The following FAM237A variants were observed in gnomAD, a reference collection of about 807,000 sequenced individuals.
The protein encoded by FAM237A is protein FAM237A.
A neutral mutation model predicts 12.5 loss-of-function variants in FAM237A; 14 were observed. That is an observed-to-expected ratio of 1.12 (90% CI 0.74 to 1.75). The LOEUF (loss-of-function observed/expected upper bound fraction) is 1.75, where lower values mean the gene tolerates loss of function less well. Ranked by LOEUF, FAM237A falls within the 40% of genes most tolerant of loss-of-function variation. The probability of loss-of-function intolerance (pLI) is 0.00; values close to 1 mark genes in which losing one functional copy is unlikely to be tolerated. For synonymous variants in FAM237A, 85 were observed against 77.5 expected (o/e 1.10, Z -0.51); for missense variants, 240 against 211.7 (o/e 1.13, Z -0.83).
chr2:206,646,091 A>G (rs1699313438), intron 2 of FAM237A, among the ~76,000 whole-genome samples: 1 of 152,106 alleles, frequency 6.6e-6, no homozygotes. Flanking sequence ...ACACGAGGTG[A>G]GGAGATCGAG....
Position 206,644,591 on chromosome 2 carries a change from G to A in FAM237A, c.355G>A (p.Val119Ile), listed in dbSNP as rs1699294500. The part of the protein sequence containing the change: ...RNHGLGRRQL[V>I]GEEEKISAAQ... Reference sequence around the variant, plus strand: ...CCATGGCTTAGGAAGGAGGCAATTGGTTGGAGAGGAAGAGAAAATCTCAGC... The same window carrying A: ...CCATGGCTTAGGAAGGAGGCAATTGATTGGAGAGGAAGAGAAAATCTCAGC... The change falls in exon 2 of 3, where the codon GTT becomes ATT. Residue 119 changes from valine to isoleucine, a missense_variant. Physicochemically the swap from Val to Ile is conservative, Grantham distance 29 (BLOSUM62 3). Transcript: ENST00000441223. 1 of 1,609,888 alleles carries A rather than the reference G, an allele frequency of 6.2e-7. No homozygotes were observed. Among genetic ancestry groups the A allele is most frequent in the Non-Finnish European group, 8.5e-7 (1 of 1,178,470 alleles).
intron 2 of FAM237A, among the ~76,000 whole-genome samples, chr2:206,648,145 T>C (rs1360092193): frequency 1.3e-5 from 2 of 152,210 alleles, no homozygotes; most frequent in Non-Finnish European, 2.9e-5. Context: ...AGAAATCTAC[T>C]GTTAAGAAAC....
intron 2 of FAM237A, among the ~76,000 whole-genome samples, chr2:206,646,787 A>G (rs1437915615): frequency 6.6e-6 from 1 of 152,204 alleles, no homozygotes; most frequent in African/African-American, 2.4e-5. Flanking sequence ...TTAAATCTCT[A>G]GAGGTTCAAC....
chr2:206,646,077 C>T (rs545842866), intron 2 of FAM237A, among the ~76,000 whole-genome samples: 4 of 151,864 alleles, frequency 2.6e-5, no homozygotes, highest in Admixed American at 1.3e-4. Context: ...CCAAGGCAGG[C>T]GGAACACGAG....
chr2:206,647,632 GACACACAC>G (rs34672675), intron 2 of FAM237A, among the ~76,000 whole-genome samples: 139 of 139,654 alleles, frequency 1.0e-3, no homozygotes, highest in South Asian at 7.6e-4. Context: ...GAGACACACA[GACACACAC>G]ACACACACAC....
rs1354415686 is a variant in FAM237A, at chr2:206,642,862, C to T, written c.-11+280C>T. Among the ~76,000 whole-genome samples, 1 of 152,178 alleles carries T rather than the reference C, an allele frequency of 6.6e-6. No individual in the cohort carries two copies. Among genetic ancestry groups the T allele is most frequent in the Admixed American group, 6.5e-5 (1 of 15,288 alleles). ...CTTCAGTACCTTGGACAGAGTCCTG[C>T]CCTCTGAAAACTTAGCTTAGACTTG... On this transcript the variant is annotated intron_variant, in intron 1 of 2. Coordinates refer to ENST00000441223, the MANE Select transcript of FAM237A (RefSeq NM_001102659.3). This position sits in a 1 kb window ranked among gnomAD's most constrained non-coding sequence, Gnocchi z 5.1.
At chr2:206,645,483 G>A (rs1257395584) in intron 2 of FAM237A, among the ~76,000 whole-genome samples, 1 of 151,926 alleles carries the variant, frequency 6.6e-6, no homozygotes, top group African/African-American at 2.4e-5. Flanking sequence ...TTTTATCAAG[G>A]GCTGTTTGAG....
At position 206,649,060 on chromosome 2, in the gene FAM237A, A is replaced by T. The variant is rs571294040; in HGVS notation, c.*266A>T. 3.4e-4 allele frequency: 61 copies of T among 181,228 alleles called. No individual in the cohort carries two copies. The East Asian group carries it at 6.8e-3, about 20-fold the overall frequency. 11.2% of individuals were successfully genotyped at this position (181,228 alleles called of 1,614,324 possible). ...TTAAATAACTTCCAGAGATGACTTG[A>T]GGATTCTTTGTATTCATTTAATAGT... is the stretch of plus-strand genomic sequence containing the variant. On this transcript the variant is annotated 3_prime_UTR_variant, in exon 3 of 3. Transcript: ENST00000441223.
intron 2 of FAM237A, among the ~76,000 whole-genome samples, chr2:206,647,657 AC>A (rs1699333862): frequency 6.6e-6 from 1 of 151,392 alleles, no homozygotes; most frequent in Non-Finnish European, 1.5e-5. Flanking sequence ...ACACACACAC[AC>A]ACACACACAG....
chr2:206,648,899 A>G lies in FAM237A; in HGVS notation c.*105A>G. On this transcript the variant is annotated 3_prime_UTR_variant, in exon 3 of 3. Coordinates refer to ENST00000441223, the MANE Select transcript of FAM237A (RefSeq NM_001102659.3). ...TATTTTAAATGGTGGGAATGCCCAGAGATAAATATGAACCCAAATTCTCTC... is the reference window on the plus strand; with the variant it reads ...TATTTTAAATGGTGGGAATGCCCAGGGATAAATATGAACCCAAATTCTCTC... 1.1e-6 allele frequency: 1 copy of G among 943,514 alleles called. No individual in the cohort carries two copies. The highest frequency in any genetic ancestry group is 1.4e-6 in the Non-Finnish European group (1 of 697,872). 58.4% of individuals were successfully genotyped at this position (943,514 alleles called of 1,614,324 possible).
rs1332332044 is a variant in FAM237A at position 206,648,757 on chromosome 2, T to A, written c.509T>A (p.Val170Asp). The change falls in exon 3 of 3, where the codon GTC becomes GAC. Residue 170 changes from valine to aspartate, a missense_variant. By Grantham distance (152) the Val-to-Asp change is radical. Transcript: ENST00000441223. ...SMHVRRSGSS[V>D]IGKVNLEIKR... ...CATGTGCGTAGGAGTGGGTCTAGTG[T>A]CATTGGAAAAGTGAACCTGGAAATA... is the stretch of plus-strand genomic sequence containing the variant. 1.9e-6 allele frequency: 3 copies of A among 1,548,774 alleles called. No homozygotes were observed. The East Asian group carries it at 7.2e-5, about 37-fold the overall frequency.
intron 1 of FAM237A, chr2:206,643,308 T>C (rs555042887): frequency 2.0e-5 from 3 of 152,220 alleles, no homozygotes; most frequent in Non-Finnish European, 4.4e-5. Context: ...TTAAATGTGA[T>C]ACACATTTTG....
intron 1 of FAM237A, chr2:206,643,514 T>C (rs1699279332): frequency 6.6e-6 from 1 of 152,072 alleles, no homozygotes; most frequent in Non-Finnish European, 1.5e-5. Context: ...GAGAGTCACG[T>C]TTTTTAAAAA....
In FAM237A at chr2:206,644,490, T is replaced by G. The variant is rs1260443343; in HGVS notation, c.254T>G (p.Leu85Trp). ...FMIYLKSSEN[L>W]KHGALFWDLA... is the part of the protein sequence containing the mutation. ...ATCTACCTGAAGTCATCTGAGAACT[T>G]GAAGCATGGAGCACTGTTTTGGGAT... The change falls in exon 2 of 3, where the codon TTG (leucine) becomes TGG (tryptophan). Residue 85 changes from leucine (L) to tryptophan (W), a missense_variant. Transcript: ENST00000441223. 1 of 1,614,002 alleles carries G rather than the reference T, an allele frequency of 6.2e-7. No homozygotes were observed. The highest frequency in any genetic ancestry group is 2.2e-5 in the East Asian group (1 of 44,882).
chr2:206,643,102 T>C (rs1257706626), intron 1 of FAM237A, among the ~76,000 whole-genome samples: 2 of 152,244 alleles, frequency 1.3e-5, no homozygotes, highest in East Asian at 3.8e-4. Context: ...TACCTAAACA[T>C]GTCCTACTGC....
intron 2 of FAM237A, among the ~76,000 whole-genome samples, chr2:206,646,446 T>TTA (rs1416320286): frequency 2.0e-5 from 3 of 152,118 alleles, no homozygotes; most frequent in Non-Finnish European, 4.4e-5. Context: ...ACACAAAAAG[T>TTA]TATATATATA....
At chr2:206,645,942 G>A (rs1171298708) in intron 2 of FAM237A, among the ~76,000 whole-genome samples, 1 of 150,688 alleles carries the variant, frequency 6.6e-6, no homozygotes, top group Non-Finnish European at 1.5e-5. Flanking sequence ...CACCAGTACA[G>A]ACCATGGTTT....
chr2:206,643,699 C>T, intron 1 of FAM237A, among the ~76,000 whole-genome samples: 1 of 152,092 alleles, frequency 6.6e-6, no homozygotes, highest in Non-Finnish European at 1.5e-5. Flanking sequence ...ACTTTTAGCA[C>T]ATTGTCTTTT....
At chr2:206,645,804 A>C (rs527610025) in intron 2 of FAM237A, among the ~76,000 whole-genome samples, 3 of 152,356 alleles carry the variant, frequency 2.0e-5, no homozygotes, top group East Asian at 3.9e-4. Context: ...ACTCAAACCA[A>C]TTTCATTTTT....
Sources: allele counts gnomAD v4.1 joint callset (sites outside exome capture counted in the v4.1 genomes callset), GRCh38; gene constraint gnomAD v4.1.1; non-coding constraint Gnocchi (gnomAD v3.1); transcripts MANE v1.5; gene names NCBI Gene and HGNC (gene_info 2026-07-23, HGNC 2026-07-21).